The following PRDM10 variants were observed in gnomAD, a reference collection of about 807,000 sequenced individuals.
PRDM10 encodes the protein PR domain zinc finger protein 10.
Under a neutral mutation model 133.1 loss-of-function variants are expected in PRDM10, and 65 were observed. The ratio of observed to expected loss-of-function variants is 0.49; its 90% confidence interval spans 0.40 to 0.60. The LOEUF (loss-of-function observed/expected upper bound fraction) is 0.60, where lower values mean the gene tolerates loss of function less well. PRDM10 is among the 20% of genes least tolerant of loss of function. The probability of loss-of-function intolerance (pLI) is 0.00; values close to 1 mark genes in which losing one functional copy is unlikely to be tolerated. For synonymous variants in PRDM10, 582 were observed against 580.4 expected (o/e 1.00, Z -0.04); for missense variants, 1,137 against 1,507.1 (o/e 0.75, Z 4.07).
chr11:129,951,601 G>A (rs979881271), intron 4 of PRDM10, among the ~76,000 whole-genome samples: 7 of 151,872 alleles, frequency 4.6e-5, no homozygotes, highest in Non-Finnish European at 7.4e-5. Context: ...ACCACTCTCT[G>A]TAATTATTTC....
intron 1 of PRDM10, among the ~76,000 whole-genome samples, chr11:129,963,394 GAGAAGAGAAGAGAAGAGA>G (rs1194592736): frequency 0.013 from 1,807 of 143,064 alleles, 70 homozygotes; most frequent in East Asian, 0.042. Context: ...GAGAAGAGAA[GAGAAGAGAAGAGAAGAGA>G]AGAGAAGAGA....
At chr11:129,953,415 T>C (rs904910341) in intron 4 of PRDM10, among the ~76,000 whole-genome samples, 3 of 151,958 alleles carry the variant, frequency 2.0e-5, no homozygotes, top group South Asian at 4.2e-4. Context: ...TGCCTCAGCC[T>C]CCCGAGTAGC....
At chr11:129,924,113 A>G (rs1469581835) in intron 12 of PRDM10, among the ~76,000 whole-genome samples, 1 of 152,256 alleles carries the variant, frequency 6.6e-6, no homozygotes, top group African/African-American at 2.4e-5. Flanking sequence ...AACTATTCCT[A>G]TAAGATAGTT....
At chr11:129,965,330 A>G (rs1432387230) in intron 1 of PRDM10, among the ~76,000 whole-genome samples, 2 of 152,170 alleles carry the variant, frequency 1.3e-5, no homozygotes, top group Non-Finnish European at 2.9e-5. Context: ...TGTCATATTG[A>G]TTTTCCTTTA....
intron 20 of PRDM10, among the ~76,000 whole-genome samples, chr11:129,903,363 G>C: frequency 9.2e-6 from 1 of 108,536 alleles, no homozygotes; most frequent in East Asian, 2.6e-4. Flanking sequence ...ATTTTATTTT[G>C]TCAAGTAAGG....
Position 129,918,484 on chromosome 11 carries a change from A to G in PRDM10, c.2214+55T>C. 6.4e-7 allele frequency: 1 copy of G among 1,554,744 alleles called. No homozygotes were observed. The highest frequency in any genetic ancestry group is 8.7e-7 in the Non-Finnish European group (1 of 1,145,540). On this transcript the variant is annotated intron_variant, in intron 14 of 20. Coordinates refer to ENST00000360871, the MANE Select transcript of PRDM10 (RefSeq NM_199437.2). The surrounding 1 kb of genome is among the most constrained non-coding windows in gnomAD (Gnocchi z 5.3). ...TGCAACACAAACGTCACCATCATCG[A>G]CAGCAATGAGGTATGCTGGGAAGAC... is the stretch of plus-strand genomic sequence containing the variant.
chr11:129,914,620 T>C lies in PRDM10; in HGVS notation c.2841+84A>G, dbSNP rs775543536. 1.7e-5 allele frequency: 27 copies of C among 1,564,724 alleles called. No homozygotes were observed. The East Asian group carries it at 3.6e-4, about 21-fold the overall frequency. The stretch of plus-strand genomic sequence containing the variant: ...AACTTCCACGCAGAAGGACATTACA[T>C]AGATCCCAGCCCCAGCTCTGAGAAT... On this transcript the variant is annotated intron_variant, in intron 17 of 20. Transcript: ENST00000360871.
rs768194765 is a variant in PRDM10, at chr11:129,932,172, C to T, written c.1217G>A (p.Gly406Glu). The T allele has an allele frequency of 6.2e-7, 1 of 1,614,156 alleles. No individual in the cohort carries two copies. The highest frequency in any genetic ancestry group is 8.5e-7 in the Non-Finnish European group (1 of 1,180,014). ...CAGGCGGATAAATTTTGGAGGACGC[C>T]CCGGCCGTCGACCTGGACCGAATCG... ...KRRFGPGRRP[G>E]RPPKFIRLEI... The change falls in exon 10 of 21, where the codon GGG (glycine) becomes GAG (glutamate). Residue 406 changes from glycine to glutamate, a missense_variant. Around this residue, in one of 6 missense-constraint regions of PRDM10, gnomAD observed 635 missense variants for 835.2 expected, o/e 0.76. Coordinates refer to ENST00000360871, the MANE Select transcript of PRDM10 (RefSeq NM_199437.2).
Position 129,901,113 on chromosome 11 carries a change from A to G in PRDM10, c.*1200T>C, listed in dbSNP as rs531523428. ...GATTTTTTAATGCCCAACTAATAGTATATTCATAAAGACTGGATTTCTTCC... is the reference window on the plus strand; with the variant it reads ...GATTTTTTAATGCCCAACTAATAGTGTATTCATAAAGACTGGATTTCTTCC... On this transcript the variant is annotated 3_prime_UTR_variant, in exon 21 of 21. Transcript: ENST00000360871. 1.3e-5 allele frequency: 2 copies of G among 152,756 alleles called. No individual in the cohort carries two copies. Among genetic ancestry groups the G allele is most frequent in the Non-Finnish European group, 2.9e-5 (2 of 68,028 alleles). 9.5% of individuals were successfully genotyped at this position (152,756 alleles called of 1,614,324 possible). A position where few individuals can be genotyped will look rare whatever the true frequency, so the allele number is the denominator to read the frequency against.
Position 129,918,842 on chromosome 11 carries a change from T to C in PRDM10, c.2035-124A>G. On this transcript the variant is annotated intron_variant, in intron 13 of 20. Transcript: ENST00000360871. This position sits in a 1 kb window ranked among gnomAD's most constrained non-coding sequence, Gnocchi z 5.3. ...ACAAGCCTCCAAGAGACATTTGAGT[T>C]GCTGGAACACTAGGACGCAGACATG... The C allele has an allele frequency of 1.0e-6, 1 of 975,946 alleles. No individual in the cohort carries two copies. Among genetic ancestry groups the C allele is most frequent in the Non-Finnish European group, 1.5e-6 (1 of 651,008 alleles). 60.5% of individuals were successfully genotyped at this position (975,946 alleles called of 1,614,324 possible).
At chr11:129,957,020 C>T (rs535215056) in intron 3 of PRDM10, among the ~76,000 whole-genome samples, 10 of 152,332 alleles carry the variant, frequency 6.6e-5, no homozygotes, top group South Asian at 6.2e-4. Flanking sequence ...TATAATTGTA[C>T]GCCTTTTGGC....
At chr11:129,943,091 C>T (rs1024026867) in intron 6 of PRDM10, among the ~76,000 whole-genome samples, 1 of 152,154 alleles carries the variant, frequency 6.6e-6, no homozygotes, top group African/African-American at 2.4e-5. Flanking sequence ...CAGCAGATGA[C>T]TTGTCAAAAA....
rs538743102 is a variant in PRDM10, at chr11:129,949,885, G to A, written c.295-2515C>T. Among the ~76,000 whole-genome samples the A allele has an allele frequency of 8.6e-5, 13 of 151,782 alleles. 1 individual carries two copies. The East Asian group carries it at 2.5e-3, about 30-fold the overall frequency. On this transcript the variant is annotated intron_variant, in intron 4 of 20. Transcript: ENST00000360871. ...GGAGGCGGAGGTTGCAGTGAGCTGAGATCACGCCATTGCACTCCAGCCTGG... is the reference window on the plus strand; with the variant it reads ...GGAGGCGGAGGTTGCAGTGAGCTGAAATCACGCCATTGCACTCCAGCCTGG...
chr11:129,947,501 T>C lies in PRDM10; in HGVS notation c.295-131A>G, dbSNP rs1029597971. 1.6e-5 allele frequency: 25 copies of C among 1,525,292 alleles called. No homozygotes were observed. Among genetic ancestry groups the C allele is most frequent in the Non-Finnish European group, 2.1e-5 (24 of 1,138,096 alleles). 94.5% of individuals were successfully genotyped at this position (1,525,292 alleles called of 1,614,324 possible). A position where few individuals can be genotyped will look rare whatever the true frequency, so the allele number is the denominator to read the frequency against. ...CTTCCTACCAACTCCTTCCAGGCCC[T>C]GGAAAAATGACTTCCATCTACCGGC... On this transcript the variant is annotated intron_variant, in intron 4 of 20. Coordinates refer to ENST00000360871, the MANE Select transcript of PRDM10 (RefSeq NM_199437.2). This position sits in a 1 kb window ranked among gnomAD's most constrained non-coding sequence, Gnocchi z 4.6.
At chr11:129,954,642 A>G (rs1161168750) in intron 4 of PRDM10, among the ~76,000 whole-genome samples, 2 of 151,760 alleles carry the variant, frequency 1.3e-5, no homozygotes, top group Non-Finnish European at 1.5e-5. Context: ...TTACAGTCAC[A>G]CTACCTGACA....
chr11:129,908,769 T>C (rs1354252932), intron 19 of PRDM10, among the ~76,000 whole-genome samples: 1 of 151,586 alleles, frequency 6.6e-6, no homozygotes, highest in Non-Finnish European at 1.5e-5. Flanking sequence ...ATCACTCCAC[T>C]TTTTTTTTCT....
At chr11:129,964,925 T>C (rs1049598457) in intron 1 of PRDM10, among the ~76,000 whole-genome samples, 29 of 152,316 alleles carry the variant, frequency 1.9e-4, no homozygotes, top group African/African-American at 6.0e-4. Flanking sequence ...TAGTACATAG[T>C]AGGTGATTAA....
intron 1 of PRDM10, among the ~76,000 whole-genome samples, chr11:129,969,073 A>T (rs773037609): frequency 6.6e-6 from 1 of 152,162 alleles, no homozygotes; most frequent in Non-Finnish European, 1.5e-5. Flanking sequence ...TAGCAAAAAC[A>T]TATGTTCAGA....
intron 7 of PRDM10, among the ~76,000 whole-genome samples, chr11:129,938,743 A>G (rs999527420): frequency 1.3e-5 from 2 of 152,136 alleles, no homozygotes; most frequent in Non-Finnish European, 2.9e-5. Flanking sequence ...AGAACACACA[A>G]TCAGATCTTG....
Sources: allele counts gnomAD v4.1 joint callset (sites outside exome capture counted in the v4.1 genomes callset), GRCh38; gene constraint gnomAD v4.1.1; regional missense constraint gnomAD v4.1.1; non-coding constraint Gnocchi (gnomAD v3.1); transcripts MANE v1.5; gene names NCBI Gene and HGNC (gene_info 2026-07-23, HGNC 2026-07-21).